Variants in IGSF3 observed in about 807,000 individuals in gnomAD.
The protein encoded by IGSF3 is glu-Trp-Ile EWI motif-containing protein 3.
Under a neutral mutation model 114.4 loss-of-function variants are expected in IGSF3, and 23 were observed. That is an observed-to-expected ratio of 0.20 (90% CI 0.14 to 0.28). The LOEUF (loss-of-function observed/expected upper bound fraction) is 0.28. IGSF3 is among the 10% of genes least tolerant of loss of function. IGSF3 has a pLI of 1.00. For missense variants in IGSF3, 1,172 were observed against 1,591.5 expected (o/e 0.74, Z 4.48); for synonymous variants, 571 against 645.2 (o/e 0.88, Z 1.74).
chr1:116,639,958 C>T (rs1648008880), intron 2 of IGSF3, among the ~76,000 whole-genome samples: 1 of 150,162 alleles, frequency 6.7e-6, no homozygotes, highest in African/African-American at 2.5e-5. Context: ...CACTTGAACC[C>T]TTACCCAGGA....
At position 116,657,559 on chromosome 1, in the gene IGSF3, T is replaced by C. The variant is rs554231916; in HGVS notation, c.43+8725A>G. Among the ~76,000 whole-genome samples the C allele has an allele frequency of 4.6e-5, 7 of 152,238 alleles. No homozygotes were observed. The highest frequency in any genetic ancestry group is 1.7e-4 in the African/African-American group (7 of 41,534). Reference sequence around the variant, plus strand: ...GTGAACGATCATACTGGTTATCATGTGGGAAAAAAGGTTTAATTACTCCCT... The same window carrying C: ...GTGAACGATCATACTGGTTATCATGCGGGAAAAAAGGTTTAATTACTCCCT... On this transcript the variant is annotated intron_variant, in intron 2 of 10. Coordinates refer to ENST00000369486, the MANE Select transcript of IGSF3 (RefSeq NM_001007237.3). The surrounding 1 kb of genome is among the most constrained non-coding windows in gnomAD (Gnocchi z 4.2).
In IGSF3 at chr1:116,582,125, C is replaced by T. The variant is rs1659626202; in HGVS notation, c.2849-2248G>A. Among the ~76,000 whole-genome samples, 1 of 152,222 alleles carries T rather than the reference C, an allele frequency of 6.6e-6. No individual in the cohort carries two copies. The highest frequency in any genetic ancestry group is 2.1e-4 in the South Asian group (1 of 4,836). On this transcript the variant is annotated intron_variant, in intron 9 of 10. Transcript: ENST00000369486. The surrounding 1 kb of genome is among the most constrained non-coding windows in gnomAD (Gnocchi z 4.7). ...AAATGCCTTGTCTGCATAAATGACT[C>T]AATACAAGTTTTTCGACAGAAATTA...
Position 116,574,907 on chromosome 1 carries a change from T to TC in IGSF3, c.*2404dup, listed in dbSNP as rs1225482235. The TC allele has an allele frequency of 6.6e-6, 1 of 152,606 alleles. No individual in the cohort carries two copies. The highest frequency in any genetic ancestry group is 1.5e-5 in the Non-Finnish European group (1 of 68,038). The allele number at this position is 152,606 out of a possible 1,614,324, so 9.5% of individuals were successfully genotyped here. On this transcript the variant is annotated 3_prime_UTR_variant, in exon 11 of 11. Coordinates refer to ENST00000369486, the MANE Select transcript of IGSF3 (RefSeq NM_001007237.3). This position sits in a 1 kb window ranked among gnomAD's most constrained non-coding sequence, Gnocchi z 5.2. Reference sequence around the variant, plus strand: ...TCAAAAAGTTCAACCTTTGATGCTATCCCCCAGCCCAATACAAAATACACA... The same window carrying TC: ...TCAAAAAGTTCAACCTTTGATGCTATCCCCCCAGCCCAATACAAAATACACA...
chr1:116,612,471 G>T lies in IGSF3; in HGVS notation c.832+1294C>A, dbSNP rs958118284. 6.6e-6 allele frequency among the ~76,000 whole-genome samples: 1 copy of T among 152,040 alleles called. No individual in the cohort carries two copies. The highest frequency in any genetic ancestry group is 2.4e-5 in the African/African-American group (1 of 41,386). ...GCGTGCCGGAAATCCAGCTTCCCAGGTCCCATCCCAGGAGCCTCCAATTGA... is the reference window on the plus strand; with the variant it reads ...GCGTGCCGGAAATCCAGCTTCCCAGTTCCCATCCCAGGAGCCTCCAATTGA... On this transcript the variant is annotated intron_variant, in intron 4 of 10. Transcript: ENST00000369486. This position sits in a 1 kb window ranked among gnomAD's most constrained non-coding sequence, Gnocchi z 4.1.
In IGSF3 at chr1:116,629,006, G is replaced by A. The variant is rs904181777; in HGVS notation, c.44-12549C>T. 3.3e-5 allele frequency among the ~76,000 whole-genome samples: 5 copies of A among 152,162 alleles called. No homozygotes were observed. Among genetic ancestry groups the A allele is most frequent in the Admixed American group, 6.5e-5 (1 of 15,280 alleles). ...AAGACAACTGGGAAACAGGGCCCTC[G>A]CAGATACACAAGACCAAGCTGGAGA... is the stretch of plus-strand genomic sequence containing the variant. On this transcript the variant is annotated intron_variant, in intron 2 of 10. Transcript: ENST00000369486. The surrounding 1 kb of genome is among the most constrained non-coding windows in gnomAD (Gnocchi z 4.3).
rs1323588758 is a variant in IGSF3, at chr1:116,642,522, C to T, written c.43+23762G>A. Reference sequence around the variant, plus strand: ...CATGAAAGAAACAAACAGTGGGACTCGGGCCAGAGCAAAATTTGGCCTAGA... The same window carrying T: ...CATGAAAGAAACAAACAGTGGGACTTGGGCCAGAGCAAAATTTGGCCTAGA... On this transcript the variant is annotated intron_variant, in intron 2 of 10. Coordinates refer to ENST00000369486, the MANE Select transcript of IGSF3 (RefSeq NM_001007237.3). This position sits in a 1 kb window ranked among gnomAD's most constrained non-coding sequence, Gnocchi z 5.4. Among the ~76,000 whole-genome samples the T allele has an allele frequency of 2.0e-5, 3 of 152,170 alleles. No homozygotes were observed. The highest frequency in any genetic ancestry group is 4.4e-5 in the Non-Finnish European group (3 of 68,036).
chr1:116,591,987 GC>G, intron 7 of IGSF3, among the ~76,000 whole-genome samples: 1 of 152,294 alleles, frequency 6.6e-6, no homozygotes, highest in African/African-American at 2.4e-5. Flanking sequence ...GTGAATTTTA[GC>G]TATTCTCATT....
chr1:116,600,908 T>C lies in IGSF3; in HGVS notation c.1625-563A>G, dbSNP rs568451060. ...GACCTCCAGTGGGGTGGGACAATTATCCTAAATGCAGGGTTCTGCAGGCTC... is the reference window on the plus strand; with the variant it reads ...GACCTCCAGTGGGGTGGGACAATTACCCTAAATGCAGGGTTCTGCAGGCTC... On this transcript the variant is annotated intron_variant, in intron 6 of 10. Transcript: ENST00000369486. The surrounding 1 kb of genome is among the most constrained non-coding windows in gnomAD (Gnocchi z 5.5). 6.6e-6 allele frequency among the ~76,000 whole-genome samples: 1 copy of C among 152,200 alleles called. No homozygotes were observed. The highest frequency in any genetic ancestry group is 1.5e-5 in the Non-Finnish European group (1 of 68,020).
rs1179459667 is a variant in IGSF3, at chr1:116,598,134, G to A, written c.2029+1807C>T. ...TAGTACCAGAAACAGGCAAATACTA[G>A]GGATGTATTCAAAAAGGCAATGTCA... is the stretch of plus-strand genomic sequence containing the variant. On this transcript the variant is annotated intron_variant, in intron 7 of 10. Coordinates refer to ENST00000369486, the MANE Select transcript of IGSF3 (RefSeq NM_001007237.3). The surrounding 1 kb of genome is among the most constrained non-coding windows in gnomAD (Gnocchi z 4.3). Among the ~76,000 whole-genome samples, 1 of 152,124 alleles carries A rather than the reference G, an allele frequency of 6.6e-6. No individual in the cohort carries two copies. Among genetic ancestry groups the A allele is most frequent in the Non-Finnish European group, 1.5e-5 (1 of 68,032 alleles).
intron 7 of IGSF3, 81 bp downstream of exon 7, chr1:116,599,860 G>A (rs1417419447): frequency 7.8e-7 from 1 of 1,280,206 alleles, no homozygotes; most frequent in Non-Finnish European, 1.1e-6. Flanking sequence ...GTGACGCTAA[G>A]GGCTCCACGC....
At position 116,620,040 on chromosome 1, in the gene IGSF3, T is replaced by A. The variant is rs184860772; in HGVS notation, c.44-3583A>T. The stretch of plus-strand genomic sequence containing the variant: ...AAATTTTAGCCAAAAATAAAAATAA[T>A]GCATGTTTGCTATATAAAATTCACT... On this transcript the variant is annotated intron_variant, in intron 2 of 10. Coordinates refer to ENST00000369486, the MANE Select transcript of IGSF3 (RefSeq NM_001007237.3). Among the ~76,000 whole-genome samples, 28 of 152,316 alleles carry A rather than the reference T, an allele frequency of 1.8e-4. No individual in the cohort carries two copies. The East Asian group carries it at 5.0e-3, about 27-fold the overall frequency.
chr1:116,648,758 G>C lies in IGSF3; in HGVS notation c.43+17526C>G, dbSNP rs1346787323. Among the ~76,000 whole-genome samples, 4 of 152,192 alleles carry C rather than the reference G, an allele frequency of 2.6e-5. No individual in the cohort carries two copies. Among genetic ancestry groups the C allele is most frequent in the Admixed American group, 1.3e-4 (2 of 15,272 alleles). ...CTTCCTGAAGCTCCATGTTTAGCCA[G>C]ATAATTGAGACACTCCACCTGGTCA... On this transcript the variant is annotated intron_variant, in intron 2 of 10. Coordinates refer to ENST00000369486, the MANE Select transcript of IGSF3 (RefSeq NM_001007237.3). This position sits in a 1 kb window ranked among gnomAD's most constrained non-coding sequence, Gnocchi z 4.7.
At position 116,647,245 on chromosome 1, in the gene IGSF3, G is replaced by T. The variant is rs1017506975; in HGVS notation, c.43+19039C>A. On this transcript the variant is annotated intron_variant, in intron 2 of 10. Transcript: ENST00000369486. This position sits in a 1 kb window ranked among gnomAD's most constrained non-coding sequence, Gnocchi z 4.6. ...GCCCTTGACAGCGATGTCTGAGGCT[G>T]GCGTGAGTGCTCCATGCTCAGAGAT... is the stretch of plus-strand genomic sequence containing the variant. 6.6e-6 allele frequency among the ~76,000 whole-genome samples: 1 copy of T among 152,252 alleles called. No homozygotes were observed. Among genetic ancestry groups the T allele is most frequent in the African/African-American group, 2.4e-5 (1 of 41,464 alleles).
chr1:116,648,726 G>A lies in IGSF3; in HGVS notation c.43+17558C>T, dbSNP rs1041885584. Among the ~76,000 whole-genome samples, 1 of 152,162 alleles carries A rather than the reference G, an allele frequency of 6.6e-6. No individual in the cohort carries two copies. On this transcript the variant is annotated intron_variant, in intron 2 of 10. Transcript: ENST00000369486. The surrounding 1 kb of genome is among the most constrained non-coding windows in gnomAD (Gnocchi z 4.7). ...TATTCCTATTCAGGTCTGGAGATCT[G>A]GAACTTCTTCCTGAAGCTCCATGTT...
chr1:116,656,821 G>A (rs374621283), intron 2 of IGSF3, among the ~76,000 whole-genome samples: 18 of 151,948 alleles, frequency 1.2e-4, no homozygotes, highest in Admixed American at 7.9e-4. Context: ...CCAGCTACTC[G>A]GGAGGCTAAG....
In IGSF3 at chr1:116,648,619, C is replaced by T. The variant is rs1648502863; in HGVS notation, c.43+17665G>A. Among the ~76,000 whole-genome samples the T allele has an allele frequency of 6.6e-6, 1 of 152,168 alleles. No individual in the cohort carries two copies. The highest frequency in any genetic ancestry group is 2.1e-4 in the South Asian group (1 of 4,832). On this transcript the variant is annotated intron_variant, in intron 2 of 10. Coordinates refer to ENST00000369486, the MANE Select transcript of IGSF3 (RefSeq NM_001007237.3). This position sits in a 1 kb window ranked among gnomAD's most constrained non-coding sequence, Gnocchi z 4.7. ...ACTGTAACAAAGCGTGTGCAAAGTG[C>T]CTAGCTCCGGACTGCTTGCAGAAAA...
chr1:116,582,048 C>G lies in IGSF3; in HGVS notation c.2849-2171G>C, dbSNP rs981938406. ...CAGAAACACCTCCTCCCTCTTCAAT[C>G]TCCCTTTGCTTTCTTGTCTTCTAAC... On this transcript the variant is annotated intron_variant, in intron 9 of 10. Transcript: ENST00000369486. The surrounding 1 kb of genome is among the most constrained non-coding windows in gnomAD (Gnocchi z 4.7). Among the ~76,000 whole-genome samples, 1 of 152,186 alleles carries G rather than the reference C, an allele frequency of 6.6e-6. No homozygotes were observed. The highest frequency in any genetic ancestry group is 1.9e-4 in the East Asian group (1 of 5,200).
In IGSF3 at chr1:116,664,461, G is replaced by T. The variant is rs965396135; in HGVS notation, c.43+1823C>A. Among the ~76,000 whole-genome samples, 2 of 152,060 alleles carry T rather than the reference G, an allele frequency of 1.3e-5. No individual in the cohort carries two copies. On this transcript the variant is annotated intron_variant, in intron 2 of 10. Coordinates refer to ENST00000369486, the MANE Select transcript of IGSF3 (RefSeq NM_001007237.3). This position sits in a 1 kb window ranked among gnomAD's most constrained non-coding sequence, Gnocchi z 4.6. Reference sequence around the variant, plus strand: ...CACATTGCCTTGTTTTCCCATTGATGGTTACTTCTCCTGCCCTGGGCCCCA... The same window carrying T: ...CACATTGCCTTGTTTTCCCATTGATTGTTACTTCTCCTGCCCTGGGCCCCA...
rs544795728 is a variant in IGSF3, at chr1:116,582,602, A to G, written c.2848+2043T>C. 1.3e-5 allele frequency among the ~76,000 whole-genome samples: 2 copies of G among 152,332 alleles called. No homozygotes were observed. The highest frequency in any genetic ancestry group is 1.3e-4 in the Admixed American group (2 of 15,302). On this transcript the variant is annotated intron_variant, in intron 9 of 10. Transcript: ENST00000369486. The surrounding 1 kb of genome is among the most constrained non-coding windows in gnomAD (Gnocchi z 4.7). ...GTGTTTAACGTATCCCTCCGAAAAA[A>G]ATCTTTGAAGTACGTCTGCACAATG...
Sources: allele counts gnomAD v4.1 joint callset (sites outside exome capture counted in the v4.1 genomes callset), GRCh38; gene constraint gnomAD v4.1.1; non-coding constraint Gnocchi (gnomAD v3.1); transcripts MANE v1.5; gene names NCBI Gene and HGNC (gene_info 2026-07-23, HGNC 2026-07-21).